SERPINB4: variants seen among roughly 807,000 people sequenced by gnomAD.
SERPINB4 encodes the protein serpin B4.
SERPINB4 carries 39 observed loss-of-function variants against 33.2 expected under a neutral mutation model. The observed-to-expected ratio is 1.18, with a 90% confidence interval of 0.91 to 1.53. The LOEUF is 1.53. SERPINB4 is among the 40% of genes most tolerant of loss of function. The pLI is 0.00. For missense variants in SERPINB4, 564 were observed against 455.4 expected (o/e 1.24, Z -2.17); for synonymous variants, 191 against 166.4 (o/e 1.15, Z -1.14).
At chr18:63,643,134 G>T (rs1231124416) in intron 3 of SERPINB4, 27 bp downstream of exon 3, 1 of 1,612,958 alleles carries the variant, frequency 6.2e-7, no homozygotes. Flanking sequence ...GGGATCTAAA[G>T]CTGAACCATA....
At chr18:63,639,462 G>GA (rs1913051685) in intron 6 of SERPINB4, 122 bp from the exon 7 acceptor site, 1 of 1,119,196 alleles carries the variant, frequency 8.9e-7, no homozygotes, top group African/African-American at 1.6e-5. Context: ...CCATGAGTTA[G>GA]AAACAATAGT....
At position 63,638,030 on chromosome 18, in the gene SERPINB4, T is replaced by C; in HGVS notation, c.862A>G (p.Lys288Glu). 7 of 1,613,664 alleles carry C rather than the reference T, an allele frequency of 4.3e-6. No homozygotes were observed. Among genetic ancestry groups the C allele is most frequent in the Non-Finnish European group, 5.9e-6 (7 of 1,179,756 alleles). The change falls in exon 8 of 8, where the codon AAA becomes GAA. Residue 288 changes from lysine to glutamate, a missense_variant. By Grantham distance (56) the Lys-to-Glu change is moderately conservative. Transcript: ENST00000341074. The stretch of plus-strand genomic sequence containing the variant: ...TTGAGGTCATAGCTCTCTTCCATTT[T>C]GAACCGAGGTAAGTGTAAATCGACA... ...TCVDLHLPRF[K>E]MEESYDLKDT... is the part of the protein sequence containing the mutation.
At chr18:63,639,045 G>T in intron 7 of SERPINB4, 140 bp downstream of exon 7, 1 of 956,226 alleles carries the variant, frequency 1.0e-6, no homozygotes, top group Non-Finnish European at 1.5e-6. Context: ...TTTGTAATAT[G>T]AAGGTGAGTC....
Position 63,637,471 on chromosome 18 carries a change from A to G in SERPINB4, c.*248T>C. 2.4e-6 allele frequency: 1 copy of G among 412,772 alleles called. No homozygotes were observed. The highest frequency in any genetic ancestry group is 4.3e-6 in the Non-Finnish European group (1 of 233,844). The allele number at this position is 412,772 out of a possible 1,614,324, so 25.6% of individuals were successfully genotyped here. A position where few individuals can be genotyped will look rare whatever the true frequency, so the allele number is the denominator to read the frequency against. On this transcript the variant is annotated 3_prime_UTR_variant, in exon 8 of 8. Coordinates refer to ENST00000341074, the MANE Select transcript of SERPINB4 (RefSeq NM_002974.4). ...TAGAAGACACGGTATTAAATGATTC[A>G]TCTTATCTTGGACATTTTTCCTCAA...
At chr18:63,639,884 T>G in intron 5 of SERPINB4, 108 bp from the exon 6 acceptor site, 2 of 1,011,202 alleles carry the variant, frequency 2.0e-6, no homozygotes, top group Non-Finnish European at 1.5e-6. Flanking sequence ...CCCAAATCCC[T>G]GCTTGAGACT....
chr18:63,638,234 C>T lies in SERPINB4; in HGVS notation c.769-111G>A, dbSNP rs916419402. ...TTATTTTGGCAATAAATGTGAAATA[C>T]AGAAGGTTCACTTTAATAGACATTA... On this transcript the variant is annotated intron_variant, in intron 7 of 7. Transcript: ENST00000341074. 8 of 1,236,692 alleles carry T rather than the reference C, an allele frequency of 6.5e-6. No individual in the cohort carries two copies. In the African/African-American group the frequency reaches 1.2e-4, roughly 19 times the overall value. 76.6% of individuals were successfully genotyped at this position (1,236,692 alleles called of 1,614,324 possible).
At chr18:63,643,075 C>A in intron 3 of SERPINB4, 86 bp downstream of exon 3, 6 of 1,559,962 alleles carry the variant, frequency 3.8e-6, no homozygotes, top group Non-Finnish European at 4.4e-6. Context: ...CTAAAACTGG[C>A]CTTTTCTTAG....
Position 63,637,707 on chromosome 18 carries a change from G to C in SERPINB4, c.*12C>G. Reference sequence around the variant, plus strand: ...TGAACATTTTCTAAATGGAGTGACAGACTAATTGCATCTATGGGGATGAGA... The same window carrying C: ...TGAACATTTTCTAAATGGAGTGACACACTAATTGCATCTATGGGGATGAGA... On this transcript the variant is annotated 3_prime_UTR_variant, in exon 8 of 8. Transcript: ENST00000341074. The C allele has an allele frequency of 1.3e-6, 2 of 1,585,424 alleles. No individual in the cohort carries two copies. Among genetic ancestry groups the C allele is most frequent in the Non-Finnish European group, 1.7e-6 (2 of 1,165,496 alleles).
At chr18:63,643,367 C>G in intron 2 of SERPINB4, 46 bp downstream of exon 2, 1 of 1,612,250 alleles carries the variant, frequency 6.2e-7, no homozygotes, top group Middle Eastern at 1.7e-4. Context: ...GCCGACGGAA[C>G]CAGAGAAAAA....
In SERPINB4 at chr18:63,643,402, C is replaced by G. The variant is rs376481360; in HGVS notation, c.165+11G>C. ...ACTGCAACAGGACAACGTAATGATG[C>G]TGATAGCTACCTTGCTAATTTGTTG... On this transcript the variant is annotated intron_variant, in intron 2 of 7. Coordinates refer to ENST00000341074, the MANE Select transcript of SERPINB4 (RefSeq NM_002974.4). 2 of 1,613,586 alleles carry G rather than the reference C, an allele frequency of 1.2e-6. No individual in the cohort carries two copies. Among genetic ancestry groups the G allele is most frequent in the Non-Finnish European group, 1.7e-6 (2 of 1,179,662 alleles).
At position 63,639,777 on chromosome 18, in the gene SERPINB4, C is replaced by T. The variant is rs534619178; in HGVS notation, c.470-1G>A. On this transcript the variant is annotated splice_acceptor_variant, in intron 5 of 7. Coordinates refer to ENST00000341074, the MANE Select transcript of SERPINB4 (RefSeq NM_002974.4). LOFTEE classifies it high-confidence loss of function. ...TCAGGAAATAGGTTTTTAATTTTTT[C>T]TGCAAGGGAAAGAATAAAAGAGTCT... 1.2e-6 allele frequency: 2 copies of T among 1,607,070 alleles called. No individual in the cohort carries two copies. The highest frequency in any genetic ancestry group is 1.7e-4 in the Middle Eastern group (1 of 6,008).
intron 6 of SERPINB4, 99 bp from the exon 7 acceptor site, chr18:63,639,439 T>C (rs1779362505): frequency 8.0e-7 from 1 of 1,257,180 alleles, no homozygotes; most frequent in African/African-American, 1.5e-5. Flanking sequence ...TTCTAAGAAA[T>C]AACCCAGGAA....
intron 7 of SERPINB4, among the ~76,000 whole-genome samples, chr18:63,638,921 C>A (rs897613552): frequency 1.3e-5 from 2 of 151,674 alleles, no homozygotes; most frequent in Non-Finnish European, 2.9e-5. Flanking sequence ...TGTAACTAAC[C>A]TGCACATTGT....
rs780825370 is a variant in SERPINB4 at position 63,637,488 on chromosome 18, T to C, written c.*231A>G. On this transcript the variant is annotated 3_prime_UTR_variant, in exon 8 of 8. Coordinates refer to ENST00000341074, the MANE Select transcript of SERPINB4 (RefSeq NM_002974.4). ...AATGATTCATCTTATCTTGGACATT[T>C]TTCCTCAAGGGAAATTTTTCTGGAA... 51 of 441,192 alleles carry C rather than the reference T, an allele frequency of 1.2e-4. No homozygotes were observed. The East Asian group carries it at 1.7e-3, about 15-fold the overall frequency. 27.3% of individuals were successfully genotyped at this position (441,192 alleles called of 1,614,324 possible). A position where few individuals can be genotyped will look rare whatever the true frequency, so the allele number is the denominator to read the frequency against.
At chr18:63,638,182 A>T (rs1423853202) in intron 7 of SERPINB4, 59 bp from the exon 8 acceptor site, 7 of 1,542,972 alleles carry the variant, frequency 4.5e-6, no homozygotes, top group Non-Finnish European at 6.1e-6. Context: ...ATACACCTTA[A>T]CAATGAATTG....
chr18:63,643,660 T>C, intron 1 of SERPINB4, 57 bp from the exon 2 acceptor site: 1 of 1,515,326 alleles, frequency 6.6e-7, no homozygotes, highest in Non-Finnish European at 9.0e-7. Flanking sequence ...TGGTATTTTG[T>C]AGTACAATTT....
rs1352157499 is a variant in SERPINB4, at chr18:63,639,225, A to G, written c.728T>C (p.Met243Thr). ...GATTTCATTTGGCAGCAGCACAATC[A>G]TGCTTAGATCTTTGCCTTTGTATGG... ...EIPYKGKDLS[M>T]IVLLPNEIDG... is the part of the protein sequence containing the mutation. Residue 243 changes from methionine (M) to threonine (T), a missense_variant, in exon 7 of 8, where the codon ATG (methionine) becomes ACG (threonine). Transcript: ENST00000341074. 1.2e-6 allele frequency: 2 copies of G among 1,612,022 alleles called. No homozygotes were observed. The highest frequency in any genetic ancestry group is 1.7e-4 in the Middle Eastern group (1 of 5,992).
At chr18:63,642,156 C>G (rs978034577) in intron 3 of SERPINB4, among the ~76,000 whole-genome samples, 157 of 152,234 alleles carry the variant, frequency 1.0e-3, no homozygotes, top group African/African-American at 3.1e-3. Flanking sequence ...AGTAGATTTT[C>G]TCCTTGTTGG....
Position 63,638,149 on chromosome 18 carries a change from A to T in SERPINB4, c.769-26T>A. ...CTATACAAATGGAAAAAAGAAACTGATATGACTAACTGTCGATCTCTAATA... is the reference window on the plus strand; with the variant it reads ...CTATACAAATGGAAAAAAGAAACTGTTATGACTAACTGTCGATCTCTAATA... On this transcript the variant is annotated intron_variant, in intron 7 of 7. Coordinates refer to ENST00000341074, the MANE Select transcript of SERPINB4 (RefSeq NM_002974.4). 1.2e-6 allele frequency: 2 copies of T among 1,602,594 alleles called. 1 individual carries two copies. Among genetic ancestry groups the T allele is most frequent in the East Asian group, 4.5e-5 (2 of 44,752 alleles).
Sources: gnomAD v4.1 joint callset for allele counts (sites outside exome capture counted in the v4.1 genomes callset) on GRCh38, gnomAD v4.1.1 for gene constraint, MANE v1.5 for transcripts, NCBI Gene and HGNC (gene_info 2026-07-23, HGNC 2026-07-21) for gene names.